Variants in PRKCE observed in about 807,000 individuals in gnomAD.
PRKCE encodes protein kinase C epsilon type.
In PRKCE, 16 loss-of-function variants were observed where a neutral mutation model predicts 85.4. That is an observed-to-expected ratio of 0.19 (90% CI 0.13 to 0.28). The LOEUF is 0.28. PRKCE is among the 10% of genes least tolerant of loss of function. The probability of loss-of-function intolerance (pLI) is 1.00; values close to 1 mark genes in which losing one functional copy is unlikely to be tolerated. For missense variants in PRKCE, 573 were observed against 975.2 expected (o/e 0.59, Z 5.49); for synonymous variants, 388 against 371.5 (o/e 1.04, Z -0.51).
rs145014137 is a variant in PRKCE at position 45,837,738 on chromosome 2, T to C, written c.349-5262T>C. On this transcript the variant is annotated intron_variant, in intron 1 of 14. Transcript: ENST00000306156. ...AGATTCTCAACAGCACTAATAATAC[T>C]GTTACCACGCCTGTAATCCCAGCAC... Among the ~76,000 whole-genome samples the C allele has an allele frequency of 3.3e-3, 508 of 152,188 alleles. 8 individuals carry two copies. The highest frequency in any genetic ancestry group is 0.012 in the African/African-American group (479 of 41,544).
chr2:45,767,311 C>T (rs1361697246), intron 1 of PRKCE, among the ~76,000 whole-genome samples: 1 of 152,186 alleles, frequency 6.6e-6, no homozygotes, highest in Non-Finnish European at 1.5e-5. Context: ...AAAATCTGCA[C>T]AGCAATGGCT....
At chr2:46,040,301 G>A (rs547436879) in intron 10 of PRKCE, among the ~76,000 whole-genome samples, 70 of 152,280 alleles carry the variant, frequency 4.6e-4, no homozygotes, top group South Asian at 1.0e-3. Context: ...AAGAGGAGAC[G>A]AGTGGAAAGC....
intron 10 of PRKCE, among the ~76,000 whole-genome samples, chr2:46,014,486 T>C (rs1458210921): frequency 2.0e-5 from 3 of 152,114 alleles, no homozygotes; most frequent in African/African-American, 7.2e-5. Flanking sequence ...AGACCAAAAT[T>C]TTTATATTTA....
chr2:45,979,089 T>C lies in PRKCE; in HGVS notation c.607+79T>C, dbSNP rs376660056. 7.5e-4 allele frequency: 1,028 copies of C among 1,373,886 alleles called. 1 individual carries two copies. The highest frequency in any genetic ancestry group is 9.9e-4 in the Non-Finnish European group (970 of 982,150). 85.1% of individuals were successfully genotyped at this position (1,373,886 alleles called of 1,614,324 possible). ...ACTGGCACCCATAGGAGGCAGGTGC[T>C]CAGTCTGATGACATTTGGAGGCTCT... On this transcript the variant is annotated intron_variant, in intron 4 of 14. Transcript: ENST00000306156.
In PRKCE at chr2:45,774,454, C is replaced by T. The variant is rs1045368436; in HGVS notation, c.349-68546C>T. On this transcript the variant is annotated intron_variant, in intron 1 of 14. Coordinates refer to ENST00000306156, the MANE Select transcript of PRKCE (RefSeq NM_005400.3). The surrounding 1 kb of genome is among the most constrained non-coding windows in gnomAD (Gnocchi z 4.3). Reference sequence around the variant, plus strand: ...TCAGCATCAGCACGGCTTTAGAGACCGAGTGCCCGCTTTTTCTCTCTTTTT... The same window carrying T: ...TCAGCATCAGCACGGCTTTAGAGACTGAGTGCCCGCTTTTTCTCTCTTTTT... Among the ~76,000 whole-genome samples the T allele has an allele frequency of 3.3e-5, 5 of 152,166 alleles. No homozygotes were observed. The highest frequency in any genetic ancestry group is 7.2e-5 in the African/African-American group (3 of 41,444).
At position 46,085,718 on chromosome 2, in the gene PRKCE, A is replaced by G. The variant is rs1204773593; in HGVS notation, c.1438-490A>G. Among the ~76,000 whole-genome samples the G allele has an allele frequency of 5.5e-5, 6 of 109,352 alleles. 1 individual carries two copies. Among genetic ancestry groups the G allele is most frequent in the African/African-American group, 2.2e-4 (6 of 27,324 alleles). 71.7% of individuals were successfully genotyped at this position (109,352 alleles called of 152,430 possible). ...TCCCTATCTCAGGATCCTTCACTTAATTACATCTGCAAAATCCGTTTTTTT... is the reference window on the plus strand; with the variant it reads ...TCCCTATCTCAGGATCCTTCACTTAGTTACATCTGCAAAATCCGTTTTTTT... On this transcript the variant is annotated intron_variant, in intron 10 of 14. Transcript: ENST00000306156.
At chr2:45,746,151 CAGTTTTCATTTGTA>C (rs560967457) in intron 1 of PRKCE, among the ~76,000 whole-genome samples, 126 of 152,218 alleles carry the variant, frequency 8.3e-4, no homozygotes, top group African/African-American at 2.9e-3. Context: ...TGCTTTCTTT[CAGTTTTCATTTGTA>C]TTTGTAGGGA....
At chr2:45,954,213 C>T (rs1318019881) in intron 2 of PRKCE, among the ~76,000 whole-genome samples, 3 of 152,148 alleles carry the variant, frequency 2.0e-5, no homozygotes, top group Non-Finnish European at 2.9e-5. Flanking sequence ...TGTTCACAAA[C>T]GTGTGCCTGT....
In PRKCE at chr2:46,139,908, T is replaced by G. The variant is rs903070152; in HGVS notation, c.1593-5185T>G. Reference sequence around the variant, plus strand: ...TGGCTGCGTAGCTATGTGCCTGGCTTAAAAAATAGAAAGTAAATGTTCTCT... The same window carrying G: ...TGGCTGCGTAGCTATGTGCCTGGCTGAAAAAATAGAAAGTAAATGTTCTCT... On this transcript the variant is annotated intron_variant, in intron 11 of 14. Transcript: ENST00000306156. This position sits in a 1 kb window ranked among gnomAD's most constrained non-coding sequence, Gnocchi z 5.2. 6.6e-6 allele frequency among the ~76,000 whole-genome samples: 1 copy of G among 151,998 alleles called. No homozygotes were observed. The highest frequency in any genetic ancestry group is 2.4e-5 in the African/African-American group (1 of 41,396).
chr2:45,930,199 CAGA>C (rs1698934399), intron 2 of PRKCE, among the ~76,000 whole-genome samples: 1 of 152,170 alleles, frequency 6.6e-6, no homozygotes, highest in Non-Finnish European at 1.5e-5. Context: ...CTAAAGATAG[CAGA>C]AGAAGATGTC....
At chr2:46,147,599 G>C (rs113198203) in intron 12 of PRKCE, among the ~76,000 whole-genome samples, 5 of 152,308 alleles carry the variant, frequency 3.3e-5, no homozygotes, top group African/African-American at 1.2e-4. Context: ...AAACATCTCT[G>C]CACTGGCAAT....
At chr2:45,923,010 A>C (rs1300773785) in intron 2 of PRKCE, among the ~76,000 whole-genome samples, 1 of 152,202 alleles carries the variant, frequency 6.6e-6, no homozygotes, top group Non-Finnish European at 1.5e-5. Flanking sequence ...GAGGAGAGAA[A>C]ATACCACACA....
chr2:45,743,207 C>T (rs1055349869), intron 1 of PRKCE, among the ~76,000 whole-genome samples: 2 of 152,032 alleles, frequency 1.3e-5, no homozygotes, highest in Non-Finnish European at 1.5e-5. Flanking sequence ...ATAATGACTG[C>T]AGTTAATAAT....
At chr2:45,882,987 C>T (rs529906197) in intron 2 of PRKCE, among the ~76,000 whole-genome samples, 36 of 152,352 alleles carry the variant, frequency 2.4e-4, no homozygotes, top group African/African-American at 7.5e-4. Flanking sequence ...CCACACTCCC[C>T]GCAGCAATGA....
chr2:45,925,944 G>A (rs926678040), intron 2 of PRKCE, among the ~76,000 whole-genome samples: 3 of 152,234 alleles, frequency 2.0e-5, no homozygotes, highest in South Asian at 2.1e-4. Context: ...GGTGCGATTC[G>A]GTGGGGGAGG....
intron 1 of PRKCE, among the ~76,000 whole-genome samples, chr2:45,765,412 A>G (rs1429156347): frequency 2.0e-5 from 3 of 152,174 alleles, no homozygotes; most frequent in Admixed American, 6.5e-5. Flanking sequence ...GAGATGCTTC[A>G]TTTGGACTCC....
intron 2 of PRKCE, among the ~76,000 whole-genome samples, chr2:45,945,790 G>A (rs1269210910): frequency 2.0e-5 from 3 of 152,236 alleles, no homozygotes; most frequent in Non-Finnish European, 2.9e-5. Context: ...CAAAGCCAGG[G>A]CTGTCTGTCT....
At position 45,990,094 on chromosome 2, in the gene PRKCE, C is replaced by T. The variant is rs555949520; in HGVS notation, c.823+5414C>T. On this transcript the variant is annotated intron_variant, in intron 6 of 14. Coordinates refer to ENST00000306156, the MANE Select transcript of PRKCE (RefSeq NM_005400.3). ...CCAATACTTATTTTCTCAGAGTTTCCGCTGGTCAGAAATCTGGATGGAGCT... is the reference window on the plus strand; with the variant it reads ...CCAATACTTATTTTCTCAGAGTTTCTGCTGGTCAGAAATCTGGATGGAGCT... Among the ~76,000 whole-genome samples, 157 of 152,276 alleles carry T rather than the reference C, an allele frequency of 1.0e-3. 2 individuals are homozygous for T. In the South Asian group the frequency reaches 0.03, roughly 29 times the overall value.
intron 1 of PRKCE, among the ~76,000 whole-genome samples, chr2:45,835,117 G>T (rs146564635): frequency 6.6e-6 from 1 of 152,190 alleles, no homozygotes; most frequent in African/African-American, 2.4e-5. Flanking sequence ...TCACAGATGT[G>T]CTGTTGAAAA....
Sources: gnomAD v4.1 joint callset for allele counts (sites outside exome capture counted in the v4.1 genomes callset) on GRCh38, gnomAD v4.1.1 for gene constraint, Gnocchi (gnomAD v3.1) non-coding constraint, MANE v1.5 for transcripts, NCBI Gene and HGNC (gene_info 2026-07-23, HGNC 2026-07-21) for gene names.